Variants in CADPS2 observed in about 807,000 individuals in gnomAD.
CADPS2 encodes the protein calcium-dependent secretion activator 2.
CADPS2 carries 93 observed loss-of-function variants against 172.5 expected under a neutral mutation model. The ratio of observed to expected loss-of-function variants is 0.54; its 90% CI spans 0.46 to 0.64. CADPS2 has a LOEUF of 0.64. Among genes scored for constraint, CADPS2 ranks in the 30% least tolerant of loss-of-function variants. The pLI, the probability that CADPS2 is intolerant of heterozygous loss-of-function variation, is 0.00. For synonymous variants in CADPS2, 546 were observed against 555.2 expected, an observed-to-expected ratio of 0.98 and a Z score of 0.23; for missense variants, 1,420 against 1,565.9, an observed-to-expected ratio of 0.91 and a Z score of 1.57.
At chr7:122,519,753 A>C (rs974186696) in intron 8 of CADPS2, among the ~76,000 whole-genome samples, 1 of 152,082 alleles carries the variant, frequency 6.6e-6, no homozygotes, top group Non-Finnish European at 1.5e-5. Flanking sequence ...TAAACTTTCA[A>C]ATTTTTGATT....
intron 1 of CADPS2, among the ~76,000 whole-genome samples, chr7:122,852,719 G>C (rs1471839688): frequency 3.3e-5 from 5 of 152,126 alleles, no homozygotes; most frequent in Non-Finnish European, 5.9e-5. Flanking sequence ...GGAGAGGTGG[G>C]AGGACAGATC....
intron 13 of CADPS2, among the ~76,000 whole-genome samples, chr7:122,472,397 G>T (rs1283988059): frequency 6.6e-6 from 1 of 152,098 alleles, no homozygotes; most frequent in East Asian, 1.9e-4. Context: ...ATCAGGTGTG[G>T]TATTTATATG....
At chr7:122,697,601 C>A in intron 2 of CADPS2, 2 of 525,326 alleles carry the variant, frequency 3.8e-6, no homozygotes, top group African/African-American at 1.9e-5. Context: ...AGCAAAGGTC[C>A]AAAATTGCAC....
intron 3 of CADPS2, among the ~76,000 whole-genome samples, chr7:122,646,982 C>T (rs921681710): frequency 6.6e-6 from 1 of 151,918 alleles, no homozygotes; most frequent in Non-Finnish European, 1.5e-5. Flanking sequence ...AAAGGAAGGG[C>T]TTGTGATTAT....
At chr7:122,549,963 TGGA>T (rs1164300864) in intron 8 of CADPS2, among the ~76,000 whole-genome samples, 3 of 152,164 alleles carry the variant, frequency 2.0e-5, no homozygotes, top group African/African-American at 7.2e-5. Context: ...CTAAATTAGT[TGGA>T]GATCATAAAC....
Position 122,706,811 on chromosome 7 carries a change from C to T in CADPS2, c.453+30144G>A, listed in dbSNP as rs774566332. Among the ~76,000 whole-genome samples the T allele has an allele frequency of 8.0e-4, 117 of 146,768 alleles. 4 individuals carry two copies. Among genetic ancestry groups the T allele is most frequent in the Admixed American group, 5.7e-3 (83 of 14,476 alleles). On this transcript the variant is annotated intron_variant, in intron 2 of 29. Transcript: ENST00000449022. ...ATACATATATATATACACACACACA[C>T]ATATATATATATGTATGTACACACA...
At chr7:122,851,299 G>A (rs140999648) in intron 1 of CADPS2, among the ~76,000 whole-genome samples, 184 of 152,244 alleles carry the variant, frequency 1.2e-3, no homozygotes, top group African/African-American at 4.1e-3. Flanking sequence ...AGGAGTCCTT[G>A]AGCTTAAAGT....
At chr7:122,757,828 A>G (rs528094262) in intron 1 of CADPS2, among the ~76,000 whole-genome samples, 1 of 152,168 alleles carries the variant, frequency 6.6e-6, no homozygotes, top group Non-Finnish European at 1.5e-5. Context: ...TCATTTTAAA[A>G]TAAAGACAAA....
intron 3 of CADPS2, among the ~76,000 whole-genome samples, chr7:122,644,155 G>A (rs2078033879): frequency 1.3e-5 from 2 of 152,146 alleles, no homozygotes; most frequent in African/African-American, 2.4e-5. Flanking sequence ...ATGAATAAGA[G>A]AGAATGACCA....
intron 15 of CADPS2, among the ~76,000 whole-genome samples, chr7:122,451,015 G>A (rs2053021965): frequency 6.6e-6 from 1 of 152,168 alleles, no homozygotes; most frequent in Non-Finnish European, 1.5e-5. Context: ...ACTGAGAAAG[G>A]CCCCACTGTG....
intron 22 of CADPS2, among the ~76,000 whole-genome samples, chr7:122,390,884 C>T (rs1053519197): frequency 4.6e-5 from 7 of 151,706 alleles, no homozygotes; most frequent in African/African-American, 1.7e-4. Context: ...GAGATAATTT[C>T]CTAAAAATGC....
intron 14 of CADPS2, among the ~76,000 whole-genome samples, chr7:122,458,051 T>G (rs994280699): frequency 6.6e-6 from 1 of 152,216 alleles, no homozygotes; most frequent in African/African-American, 2.4e-5. Context: ...AATGACAAAG[T>G]TCATGGTGCT....
At chr7:122,598,537 T>G (rs1340740068) in intron 6 of CADPS2, among the ~76,000 whole-genome samples, 1 of 152,092 alleles carries the variant, frequency 6.6e-6, no homozygotes, top group African/African-American at 2.4e-5. Context: ...ACTTAGCAGA[T>G]TGTATTTAAT....
chr7:122,870,432 A>C (rs915805588), intron 1 of CADPS2, among the ~76,000 whole-genome samples: 4 of 152,042 alleles, frequency 2.6e-5, no homozygotes, highest in Non-Finnish European at 5.9e-5. Context: ...TGTGCATAGA[A>C]ACAGAGTAGA....
chr7:122,806,896 G>C (rs910963642), intron 1 of CADPS2, among the ~76,000 whole-genome samples: 1 of 152,184 alleles, frequency 6.6e-6, no homozygotes, highest in Admixed American at 6.5e-5. Flanking sequence ...GGACAGGGGA[G>C]AATACATGTG....
At chr7:122,636,709 G>T (rs139993330) in intron 3 of CADPS2, among the ~76,000 whole-genome samples, 2 of 152,016 alleles carry the variant, frequency 1.3e-5, no homozygotes, top group Non-Finnish European at 2.9e-5. Flanking sequence ...GATGTGATCC[G>T]CCTGCCTCGG....
intron 28 of CADPS2, among the ~76,000 whole-genome samples, chr7:122,340,055 T>C (rs533875714): frequency 2.1e-4 from 32 of 152,344 alleles, no homozygotes; most frequent in African/African-American, 6.5e-4. Flanking sequence ...TCCATTTATA[T>C]AGTATAGGTC....
chr7:122,882,705 T>C (rs188855493), intron 1 of CADPS2, among the ~76,000 whole-genome samples: 1 of 152,158 alleles, frequency 6.6e-6, no homozygotes, highest in Non-Finnish European at 1.5e-5. Flanking sequence ...GTACCTGATT[T>C]GTATTATTGT....
At chr7:122,772,177 A>G (rs900426138) in intron 1 of CADPS2, among the ~76,000 whole-genome samples, 1 of 152,226 alleles carries the variant, frequency 6.6e-6, no homozygotes, top group African/African-American at 2.4e-5. Flanking sequence ...GGGTTTGAGT[A>G]GCCTATAAAA....
Sources: gnomAD v4.1 joint callset for allele counts (sites outside exome capture counted in the v4.1 genomes callset) on GRCh38, gnomAD v4.1.1 for gene constraint, MANE v1.5 for transcripts, NCBI Gene and HGNC (gene_info 2026-07-23, HGNC 2026-07-21) for gene names.